Variants in LIPC observed in about 807,000 individuals in gnomAD.
The protein encoded by LIPC is lipase C, hepatic type.
Under a neutral mutation model 50.7 loss-of-function variants are expected in LIPC, and 44 were observed. The ratio of observed to expected loss-of-function variants is 0.87; its 90% CI spans 0.68 to 1.11. The LOEUF (loss-of-function observed/expected upper bound fraction) is 1.11. LIPC is among the 50% of genes most tolerant of loss of function. The pLI is 0.00. For missense variants in LIPC, 697 were observed against 648.2 expected (o/e 1.08, Z -0.82); for synonymous variants, 271 against 256.4 (o/e 1.06, Z -0.54).
At chr15:58,549,495 C>T (rs534890222) in intron 6 of LIPC, among the ~76,000 whole-genome samples, 3 of 152,168 alleles carry the variant, frequency 2.0e-5, no homozygotes, top group South Asian at 2.1e-4. Flanking sequence ...AACAGCCAGG[C>T]GAGGATGGCA....
At chr15:58,439,133 A>G (rs1893415931) in intron 1 of LIPC, among the ~76,000 whole-genome samples, 1 of 152,116 alleles carries the variant, frequency 6.6e-6, no homozygotes, top group Admixed American at 6.5e-5. Context: ...AGTAGTGTTT[A>G]TGTCCCAACA....
chr15:58,508,673 G>T (rs988905708), intron 1 of LIPC, among the ~76,000 whole-genome samples: 6 of 152,118 alleles, frequency 3.9e-5, no homozygotes, highest in Non-Finnish European at 8.8e-5. Context: ...GGGGGCTGAG[G>T]GAGAGTCCTT....
intron 1 of LIPC, among the ~76,000 whole-genome samples, chr15:58,500,364 C>G (rs939898068): frequency 3.9e-5 from 6 of 152,188 alleles, no homozygotes; most frequent in African/African-American, 1.4e-4. Context: ...AATCAGGTGA[C>G]TCTAGCCTCT....
At chr15:58,506,434 TC>T (rs1210685187) in intron 1 of LIPC, among the ~76,000 whole-genome samples, 1 of 152,004 alleles carries the variant, frequency 6.6e-6, no homozygotes, top group African/African-American at 2.4e-5. Flanking sequence ...TCCAAGACAG[TC>T]CAGATCAGGA....
At chr15:58,446,624 T>C (rs1893703992) in intron 1 of LIPC, among the ~76,000 whole-genome samples, 1 of 152,136 alleles carries the variant, frequency 6.6e-6, no homozygotes, top group African/African-American at 2.4e-5. Context: ...CACCGTCCCA[T>C]GGCCTCTTGC....
At chr15:58,459,759 G>T (rs1894270836) in intron 1 of LIPC, among the ~76,000 whole-genome samples, 2 of 152,232 alleles carry the variant, frequency 1.3e-5, no homozygotes, top group Admixed American at 6.5e-5. Flanking sequence ...CGTCCCCAAG[G>T]ACGCCTGCAC....
At chr15:58,438,413 G>A (rs1893383953) in intron 1 of LIPC, among the ~76,000 whole-genome samples, 1 of 152,214 alleles carries the variant, frequency 6.6e-6, no homozygotes, top group South Asian at 2.1e-4. Context: ...CCAGGACAGT[G>A]ACCAGTTTCG....
At chr15:58,444,557 G>A (rs1893622469) in intron 1 of LIPC, among the ~76,000 whole-genome samples, 1 of 152,152 alleles carries the variant, frequency 6.6e-6, no homozygotes, top group African/African-American at 2.4e-5. Flanking sequence ...TCAGCAGGGT[G>A]GGTTTCTTCT....
intron 1 of LIPC, among the ~76,000 whole-genome samples, chr15:58,434,513 C>T (rs1263356934): frequency 1.3e-5 from 2 of 152,198 alleles, no homozygotes; most frequent in Non-Finnish European, 2.9e-5. Flanking sequence ...GTACCTGCAG[C>T]CTCAATCTGT....
At chr15:58,565,588 C>T in intron 8 of LIPC, 1 of 1,118,048 alleles carries the variant, frequency 8.9e-7, no homozygotes, top group Middle Eastern at 3.8e-4. Flanking sequence ...CTGAGGCTCA[C>T]AGAAGTTACA....
chr15:58,432,233 G>T, intron 1 of LIPC, 113 bp downstream of exon 1: 1 of 830,682 alleles, frequency 1.2e-6, no homozygotes, highest in Non-Finnish European at 2.1e-6. Context: ...TTCAGAGCGT[G>T]CCAGGTGGTT....
chr15:58,432,427 C>T (rs186313102), intron 1 of LIPC: 8 of 390,994 alleles, frequency 2.0e-5, no homozygotes, highest in East Asian at 5.4e-5. Flanking sequence ...GATATGAAAG[C>T]GATTCAGATC....
intron 1 of LIPC, among the ~76,000 whole-genome samples, chr15:58,447,108 C>G (rs1212226118): frequency 6.8e-6 from 1 of 146,084 alleles, no homozygotes; most frequent in Non-Finnish European, 1.5e-5. Flanking sequence ...GAGATTGCGC[C>G]ACTGCACCCA....
intron 1 of LIPC, among the ~76,000 whole-genome samples, chr15:58,461,202 AG>A: frequency 6.6e-6 from 1 of 152,358 alleles, no homozygotes; most frequent in Middle Eastern, 3.4e-3. Flanking sequence ...CAATAAAAAA[AG>A]CTAACATTTA....
At chr15:58,452,293 G>C (rs1341590876) in intron 1 of LIPC, among the ~76,000 whole-genome samples, 3 of 152,120 alleles carry the variant, frequency 2.0e-5, no homozygotes, top group Non-Finnish European at 4.4e-5. Context: ...GCACCCTCTG[G>C]GTGATTCTGA....
At chr15:58,504,466 C>A (rs1462124166) in intron 1 of LIPC, among the ~76,000 whole-genome samples, 2 of 152,130 alleles carry the variant, frequency 1.3e-5, no homozygotes, top group African/African-American at 2.4e-5. Flanking sequence ...GTCAACACCC[C>A]CCTCTCTGTA....
At chr15:58,481,649 A>G (rs1719083086) in intron 1 of LIPC, among the ~76,000 whole-genome samples, 1 of 151,746 alleles carries the variant, frequency 6.6e-6, no homozygotes, top group Non-Finnish European at 1.5e-5. Context: ...CTAAAAAAAT[A>G]TAAAAATTAG....
chr15:58,434,024 G>T (rs1893207775), intron 1 of LIPC, among the ~76,000 whole-genome samples: 1 of 152,150 alleles, frequency 6.6e-6, no homozygotes, highest in African/African-American at 2.4e-5. Context: ...TCTCAACAGG[G>T]GCAATTTTGC....
chr15:58,448,598 G>A (rs1017077110), intron 1 of LIPC, among the ~76,000 whole-genome samples: 7 of 152,248 alleles, frequency 4.6e-5, no homozygotes, highest in Non-Finnish European at 1.0e-4. Flanking sequence ...ACTCAGCACT[G>A]GCAGAGGCCG....
Sources: allele counts gnomAD v4.1 joint callset (sites outside exome capture counted in the v4.1 genomes callset), GRCh38; gene constraint gnomAD v4.1.1; transcripts MANE v1.5; gene names NCBI Gene and HGNC (gene_info 2026-07-23, HGNC 2026-07-21).